MRAP2: variants seen among roughly 807,000 people sequenced by gnomAD.
MRAP2 encodes the protein melanocortin-2 receptor accessory protein 2.
In MRAP2, 20 loss-of-function variants were observed where a neutral mutation model predicts 17.4. The observed-to-expected ratio is 1.15, with a 90% confidence interval of 0.81 to 1.67. MRAP2 has a LOEUF of 1.67. Among genes scored for constraint, MRAP2 ranks in the 40% most tolerant of loss-of-function variants. The pLI is 0.00. For missense variants in MRAP2, 238 were observed against 240.0 expected (o/e 0.99, Z 0.05); for synonymous variants, 96 against 88.4 (o/e 1.09, Z -0.48).
the MRAP2 span, among the ~76,000 whole-genome samples, chr6:84,109,311 A>G: frequency 6.6e-6 from 1 of 152,128 alleles, no homozygotes; most frequent in Non-Finnish European, 1.5e-5. Context: ...TGAGCATTGA[A>G]TGTGTTTCTA....
intron 1 of MRAP2, among the ~76,000 whole-genome samples, chr6:84,046,910 A>C (rs1023717928): frequency 6.6e-6 from 1 of 151,336 alleles, no homozygotes; most frequent in Non-Finnish European, 1.5e-5. Flanking sequence ...TGACTCTGTC[A>C]GGGGTTGAAA....
At chr6:84,099,162 G>A in the MRAP2 span, among the ~76,000 whole-genome samples, 4 of 145,760 alleles carry the variant, frequency 2.7e-5, no homozygotes, top group Non-Finnish European at 6.0e-5. Context: ...TTTAATGAGA[G>A]ATCAAAAAAG....
intron 2 of MRAP2, among the ~76,000 whole-genome samples, chr6:84,060,298 A>G (rs2129166599): frequency 6.6e-6 from 1 of 152,048 alleles, no homozygotes; most frequent in South Asian, 2.1e-4. Context: ...GCTTCACATT[A>G]TTGCTGCTTT....
the MRAP2 span, among the ~76,000 whole-genome samples, chr6:84,099,337 C>T: frequency 6.6e-6 from 1 of 151,714 alleles, no homozygotes. Flanking sequence ...ATTTTTTTTA[C>T]AATTCTGGAC....
At chr6:84,044,778 T>A (rs952665372) in intron 1 of MRAP2, among the ~76,000 whole-genome samples, 1 of 152,240 alleles carries the variant, frequency 6.6e-6, no homozygotes, top group Non-Finnish European at 1.5e-5. Context: ...GGCTTCAACA[T>A]ATGGATGTTG....
At chr6:84,054,001 C>A (rs2099491090) in intron 1 of MRAP2, among the ~76,000 whole-genome samples, 1 of 152,012 alleles carries the variant, frequency 6.6e-6, no homozygotes, top group Non-Finnish European at 1.5e-5. Flanking sequence ...GATTTTGCCT[C>A]AGCTTCCCTG....
At chr6:84,126,302 G>T in the MRAP2 span, 2 of 1,084,080 alleles carry the variant, frequency 1.8e-6, no homozygotes, top group Non-Finnish European at 2.5e-6. Context: ...TTTTGCTAGG[G>T]ATGACAAAAC....
intron 2 of MRAP2, chr6:84,061,726 C>T: frequency 2.1e-6 from 2 of 964,026 alleles, no homozygotes; most frequent in Non-Finnish European, 2.5e-6. Flanking sequence ...ACAGTGTCCC[C>T]TAGTTTGATT....
the MRAP2 span, among the ~76,000 whole-genome samples, chr6:84,134,302 G>T: frequency 2.0e-5 from 3 of 152,188 alleles, no homozygotes; most frequent in Non-Finnish European, 4.4e-5. Context: ...CTCTGTGGGG[G>T]TGGGAATCTG....
At chr6:84,108,198 A>T in the MRAP2 span, among the ~76,000 whole-genome samples, 4 of 152,206 alleles carry the variant, frequency 2.6e-5, no homozygotes, top group Non-Finnish European at 4.4e-5. Flanking sequence ...TCCTTTGGGT[A>T]TATAACCAGT....
At chr6:84,143,654 G>A in the MRAP2 span, among the ~76,000 whole-genome samples, 10 of 151,900 alleles carry the variant, frequency 6.6e-5, no homozygotes, top group African/African-American at 2.2e-4. Flanking sequence ...GAGAATGCAC[G>A]AATATCTTGT....
the MRAP2 span, among the ~76,000 whole-genome samples, chr6:84,141,108 G>A: frequency 6.6e-6 from 1 of 152,058 alleles, no homozygotes; most frequent in African/African-American, 2.4e-5. Flanking sequence ...ATGCTCACTC[G>A]CCCCCTGCTC....
At chr6:84,079,927 T>A (rs1482259122) in intron 3 of MRAP2, among the ~76,000 whole-genome samples, 2 of 152,210 alleles carry the variant, frequency 1.3e-5, no homozygotes, top group East Asian at 3.9e-4. Context: ...TGCAAGATTA[T>A]GGCTTTTGCA....
chr6:84,081,702 C>T (rs866868315), intron 3 of MRAP2, among the ~76,000 whole-genome samples: 9 of 152,288 alleles, frequency 5.9e-5, no homozygotes, highest in Admixed American at 3.9e-4. Context: ...GCTTGTAATC[C>T]TAGTTACTTG....
At chr6:84,072,042 T>C (rs2099496324) in intron 3 of MRAP2, among the ~76,000 whole-genome samples, 1 of 152,226 alleles carries the variant, frequency 6.6e-6, no homozygotes, top group Non-Finnish European at 1.5e-5. Context: ...CCTGATTAGC[T>C]TAATAACTAA....
intron 3 of MRAP2, among the ~76,000 whole-genome samples, chr6:84,067,354 A>T (rs1341749790): frequency 6.6e-6 from 1 of 152,190 alleles, no homozygotes; most frequent in Non-Finnish European, 1.5e-5. Context: ...GTCTGCAAGT[A>T]TCTTTTTTGT....
At chr6:84,104,281 C>T in the MRAP2 span, among the ~76,000 whole-genome samples, 3 of 152,162 alleles carry the variant, frequency 2.0e-5, no homozygotes, top group South Asian at 2.1e-4. Context: ...TTCCTGCCCA[C>T]GAAACCATCT....
the MRAP2 span, among the ~76,000 whole-genome samples, chr6:84,112,932 G>A: frequency 6.6e-6 from 1 of 152,162 alleles, no homozygotes; most frequent in African/African-American, 2.4e-5. Context: ...TTAATCCTGA[G>A]TTCTAATTTG....
chr6:84,142,473 A>G, the MRAP2 span, among the ~76,000 whole-genome samples: 1 of 152,276 alleles, frequency 6.6e-6, no homozygotes, highest in Non-Finnish European at 1.5e-5. Context: ...AGTAATTCAT[A>G]AAAGAGCACT....
Sources: allele counts gnomAD v4.1 joint callset (sites outside exome capture counted in the v4.1 genomes callset), GRCh38; gene constraint gnomAD v4.1.1; transcripts MANE v1.5; gene names NCBI Gene and HGNC (gene_info 2026-07-23, HGNC 2026-07-21).